Variants in RAB2A observed in about 807,000 individuals in gnomAD.
RAB2A encodes the protein RAB2A, member RAS oncogene family, also known as ras-related protein Rab-2A.
Under a neutral mutation model 32.5 loss-of-function variants are expected in RAB2A, and 7 were observed. The observed-to-expected ratio is 0.22, with a 90% CI of 0.12 to 0.40. The LOEUF (loss-of-function observed/expected upper bound fraction) is 0.40. Ranked by LOEUF, RAB2A falls within the 10% of genes least tolerant of loss-of-function variation. The probability of loss-of-function intolerance (pLI) is 1.00; values close to 1 mark genes in which losing one functional copy is unlikely to be tolerated. For synonymous variants in RAB2A, 79 were observed against 85.2 expected (o/e 0.93, Z 0.40); for missense variants, 108 against 260.7 (o/e 0.41, Z 4.03).
chr8:60,561,807 A>T (rs568637096), intron 2 of RAB2A, among the ~76,000 whole-genome samples: 1 of 152,152 alleles, frequency 6.6e-6, no homozygotes, highest in Admixed American at 6.5e-5. Context: ...CGTAGGAGCA[A>T]TCTGGGTGAG....
chr8:60,546,243 A>G (rs565291061), intron 1 of RAB2A, among the ~76,000 whole-genome samples: 2 of 152,322 alleles, frequency 1.3e-5, no homozygotes, highest in South Asian at 4.1e-4. Flanking sequence ...TTTGTGTTGG[A>G]CTTTTTCTTT....
chr8:60,556,908 A>G (rs551402064), intron 1 of RAB2A, among the ~76,000 whole-genome samples: 132 of 152,268 alleles, frequency 8.7e-4, no homozygotes, highest in African/African-American at 2.9e-3. Flanking sequence ...TCTATACCAT[A>G]TGAAAAAATT....
At chr8:60,615,156 G>A (rs1344564865) in intron 6 of RAB2A, among the ~76,000 whole-genome samples, 1 of 152,164 alleles carries the variant, frequency 6.6e-6, no homozygotes, top group Middle Eastern at 3.2e-3. Context: ...CCCCTAAAGA[G>A]ATGTACATAA....
intron 1 of RAB2A, chr8:60,558,472 T>TTC (rs768100647): frequency 7.8e-6 from 4 of 511,972 alleles, no homozygotes; most frequent in South Asian, 5.7e-5. Context: ...CATAGGGGAG[T>TTC]ATGATAAAAT....
At chr8:60,588,735 G>A (rs72650417) in intron 5 of RAB2A, among the ~76,000 whole-genome samples, 22,816 of 152,088 alleles carry the variant, frequency 0.15, 1,852 homozygotes, top group East Asian at 0.26. Context: ...ATGGCTTCAC[G>A]GGCTTACATA....
Position 60,620,733 on chromosome 8 carries a change from T to A in RAB2A, c.603T>A (p.Asn201Lys). ...HAATNATHAG[N>K]QGGQQAGGGC... ...CTACCAATGCAACACATGCAGGCAATCAGGGAGGACAGCAGGCTGGGGGCG... is the reference window on the plus strand; with the variant it reads ...CTACCAATGCAACACATGCAGGCAAACAGGGAGGACAGCAGGCTGGGGGCG... Residue 201 changes from asparagine to lysine, a missense_variant, in exon 8 of 8, where the codon AAT becomes AAA. Asn to Lys is a moderately conservative substitution (Grantham distance 94). Transcript: ENST00000262646. The A allele has an allele frequency of 6.2e-7, 1 of 1,613,896 alleles. No homozygotes were observed. Among genetic ancestry groups the A allele is most frequent in the Non-Finnish European group, 8.5e-7 (1 of 1,179,964 alleles).
At chr8:60,546,891 C>CTTTTTTTTTTT (rs6150606) in intron 1 of RAB2A, among the ~76,000 whole-genome samples, 14 of 98,948 alleles carry the variant, frequency 1.4e-4, no homozygotes, top group Admixed American at 2.0e-4. Context: ...TTTTTTGGGT[C>CTTTTTTTTTTT]TTTTTTTTTT....
intron 2 of RAB2A, among the ~76,000 whole-genome samples, chr8:60,564,576 T>C (rs955375039): frequency 2.0e-5 from 3 of 152,114 alleles, no homozygotes; most frequent in Admixed American, 2.0e-4. Context: ...ACTCAACATC[T>C]CCTTCTCTTA....
chr8:60,554,418 A>G (rs1807903377), intron 1 of RAB2A, among the ~76,000 whole-genome samples: 1 of 152,222 alleles, frequency 6.6e-6, no homozygotes, highest in East Asian at 1.9e-4. Context: ...GAGATTAGGA[A>G]ATACTGAAGG....
Position 60,607,256 on chromosome 8 carries a change from T to C in RAB2A, c.475-11324T>C, listed in dbSNP as rs1398433221. On this transcript the variant is annotated intron_variant, in intron 6 of 7. Transcript: ENST00000262646. ...CATCCTGGCTAACATGGTGAAACCC[T>C]GTCTCTACTAAAAATACAAAAAATT... is the stretch of plus-strand genomic sequence containing the variant. 2.0e-5 allele frequency among the ~76,000 whole-genome samples: 3 copies of C among 150,614 alleles called. 1 individual carries two copies. Among genetic ancestry groups the C allele is most frequent in the Admixed American group, 2.0e-4 (3 of 15,120 alleles).
At chr8:60,608,566 C>G (rs988729217) in intron 6 of RAB2A, among the ~76,000 whole-genome samples, 6 of 149,818 alleles carry the variant, frequency 4.0e-5, no homozygotes, top group Non-Finnish European at 7.4e-5. Flanking sequence ...TCTCCTTCTC[C>G]TTCTCCTTCT....
At chr8:60,535,835 G>A (rs948058981) in intron 1 of RAB2A, among the ~76,000 whole-genome samples, 5 of 152,256 alleles carry the variant, frequency 3.3e-5, no homozygotes, top group African/African-American at 1.2e-4. Flanking sequence ...GTCTCTTGAT[G>A]GTCCTTGATA....
intron 1 of RAB2A, among the ~76,000 whole-genome samples, chr8:60,518,447 G>C (rs1807246078): frequency 6.6e-6 from 1 of 152,012 alleles, no homozygotes; most frequent in Non-Finnish European, 1.5e-5. Context: ...CCTGAGATCA[G>C]GAGTTCGAGA....
chr8:60,533,978 C>T (rs1030727009), intron 1 of RAB2A, among the ~76,000 whole-genome samples: 2 of 151,904 alleles, frequency 1.3e-5, no homozygotes, highest in African/African-American at 4.8e-5. Context: ...CAAAACAAAA[C>T]AATAGCAACA....
intron 2 of RAB2A, chr8:60,569,879 A>C (rs1808171539): frequency 4.7e-6 from 2 of 428,482 alleles, no homozygotes; most frequent in Non-Finnish European, 9.4e-6. Flanking sequence ...AGGTAAGCAA[A>C]GAGAATATTC....
intron 3 of RAB2A, 126 bp from the exon 4 acceptor site, chr8:60,584,082 A>G (rs1292148310): frequency 5.4e-6 from 4 of 747,278 alleles, no homozygotes; most frequent in South Asian, 1.7e-5. Context: ...AGACTGGTGA[A>G]GTTAAGTTTT....
chr8:60,588,030 TA>T (rs1803877503), intron 5 of RAB2A, among the ~76,000 whole-genome samples: 1 of 152,148 alleles, frequency 6.6e-6, no homozygotes, highest in East Asian at 1.9e-4. Flanking sequence ...CTTTAGAAAT[TA>T]AAAGGCCGAG....
At chr8:60,586,598 A>T (rs193035316) in intron 5 of RAB2A, among the ~76,000 whole-genome samples, 3 of 152,056 alleles carry the variant, frequency 2.0e-5, no homozygotes, top group Admixed American at 2.0e-4. Flanking sequence ...AACTAAATAT[A>T]AGATGTCTTC....
chr8:60,615,812 A>T (rs907493730), intron 6 of RAB2A, among the ~76,000 whole-genome samples: 1 of 152,186 alleles, frequency 6.6e-6, no homozygotes, highest in African/African-American at 2.4e-5. Flanking sequence ...ATACTTTTAA[A>T]ACAAGTATAT....
Sources: allele counts gnomAD v4.1 joint callset (sites outside exome capture counted in the v4.1 genomes callset), GRCh38; gene constraint gnomAD v4.1.1; transcripts MANE v1.5; gene names NCBI Gene and HGNC (gene_info 2026-07-23, HGNC 2026-07-21).